The following EHBP1 variants were observed in gnomAD, a reference collection of about 807,000 sequenced individuals.
EHBP1 encodes the protein EH domain-binding protein 1.
Under a neutral mutation model 144.0 loss-of-function variants are expected in EHBP1, and 55 were observed. The ratio of observed to expected loss-of-function variants is 0.38; its 90% CI spans 0.31 to 0.48. The LOEUF is 0.48. Among genes scored for constraint, EHBP1 ranks in the 20% least tolerant of loss-of-function variants. EHBP1 has a pLI of 0.98. For synonymous variants in EHBP1, 469 were observed against 472.7 expected (o/e 0.99, Z 0.10); for missense variants, 1,200 against 1,364.2 (o/e 0.88, Z 1.90).
intron 8 of EHBP1, among the ~76,000 whole-genome samples, chr2:62,862,990 A>G (rs1469016635): frequency 6.6e-6 from 1 of 152,164 alleles, no homozygotes; most frequent in Non-Finnish European, 1.5e-5. Context: ...TTATTTTAAA[A>G]GTACCACTGA....
chr2:62,674,913 G>A (rs1011794732), intron 1 of EHBP1, among the ~76,000 whole-genome samples: 4 of 152,190 alleles, frequency 2.6e-5, no homozygotes, highest in African/African-American at 9.7e-5. Context: ...TGCCAGGTGT[G>A]AGCCACCATA....
At chr2:62,749,584 T>G (rs1201958823) in intron 3 of EHBP1, among the ~76,000 whole-genome samples, 1 of 152,248 alleles carries the variant, frequency 6.6e-6, no homozygotes, top group Non-Finnish European at 1.5e-5. Context: ...ATGGTTGAAC[T>G]AGTTTACAGT....
chr2:62,711,211 C>G (rs2035116840), intron 2 of EHBP1, among the ~76,000 whole-genome samples: 1 of 152,114 alleles, frequency 6.6e-6, no homozygotes, highest in Non-Finnish European at 1.5e-5. Context: ...TTTACACTTG[C>G]ATATAGTAAA....
chr2:62,699,830 G>C (rs1183402506), intron 1 of EHBP1, among the ~76,000 whole-genome samples: 1 of 152,224 alleles, frequency 6.6e-6, no homozygotes, highest in African/African-American at 2.4e-5. Context: ...ATCACCAGTG[G>C]ATAGAATCTG....
At chr2:62,762,825 T>C (rs534344683) in intron 3 of EHBP1, among the ~76,000 whole-genome samples, 1 of 151,016 alleles carries the variant, frequency 6.6e-6, no homozygotes, top group South Asian at 2.2e-4. Context: ...CATTAGCCAA[T>C]ATAAGCCTGT....
chr2:62,774,147 G>T (rs2041891376), intron 5 of EHBP1, among the ~76,000 whole-genome samples: 1 of 152,004 alleles, frequency 6.6e-6, no homozygotes, highest in African/African-American at 2.4e-5. Flanking sequence ...AAGGCGGGTG[G>T]ATCACTTGAG....
At position 62,951,465 on chromosome 2, in the gene EHBP1, T is replaced by C. The variant is rs138234405; in HGVS notation, c.2316+2303T>C. ...TAGATAATCAATAAACATCTAGTGA[T>C]TGACAATTTCAAGAACTTGATGACC... On this transcript the variant is annotated intron_variant, in intron 13 of 22. Coordinates refer to ENST00000431489, the MANE Select transcript of EHBP1 (RefSeq NM_001142616.3). Among the ~76,000 whole-genome samples, 669 of 150,776 alleles carry C rather than the reference T, an allele frequency of 4.4e-3. 3 individuals are homozygous for C. The highest frequency in any genetic ancestry group is 8.0e-3 in the Admixed American group (121 of 15,092).
intron 3 of EHBP1, among the ~76,000 whole-genome samples, chr2:62,757,488 C>G (rs1012852984): frequency 7.4e-6 from 1 of 135,540 alleles, no homozygotes; most frequent in African/African-American, 2.9e-5. Flanking sequence ...GGCTGGAGTG[C>G]AGTGGGATGA....
At chr2:62,997,753 T>G (rs1243974213) in intron 19 of EHBP1, among the ~76,000 whole-genome samples, 1 of 152,102 alleles carries the variant, frequency 6.6e-6, no homozygotes, top group Non-Finnish European at 1.5e-5. Context: ...ATGGGACATT[T>G]GAAAATGCAT....
chr2:62,845,578 A>G (rs1424728299), intron 7 of EHBP1, among the ~76,000 whole-genome samples: 1 of 152,098 alleles, frequency 6.6e-6, no homozygotes, highest in Non-Finnish European at 1.5e-5. Flanking sequence ...CTTAAAATAA[A>G]TATGGGACTC....
intron 10 of EHBP1, among the ~76,000 whole-genome samples, chr2:62,917,962 TC>T (rs1441602827): frequency 1.3e-5 from 2 of 152,046 alleles, no homozygotes; most frequent in Admixed American, 6.6e-5. Flanking sequence ...AGTGGCATGA[TC>T]TCAGCTCACT....
chr2:62,756,037 G>A (rs2040247333), intron 3 of EHBP1, among the ~76,000 whole-genome samples: 1 of 151,628 alleles, frequency 6.6e-6, no homozygotes, highest in Admixed American at 6.6e-5. Flanking sequence ...ACTTTGGAAG[G>A]CTGAGGCAGA....
At chr2:63,035,225 G>C (rs889500611) in intron 19 of EHBP1, among the ~76,000 whole-genome samples, 12 of 152,008 alleles carry the variant, frequency 7.9e-5, no homozygotes, top group Non-Finnish European at 1.6e-4. Context: ...ACGTATAGAT[G>C]TCCATCATTG....
intron 19 of EHBP1, among the ~76,000 whole-genome samples, chr2:63,024,736 C>T (rs1319081852): frequency 6.6e-6 from 1 of 151,960 alleles, no homozygotes; most frequent in Non-Finnish European, 1.5e-5. Context: ...ACTGGTTGGG[C>T]ATGGTGGTTC....
At chr2:63,039,680 G>A (rs1028141099) in intron 21 of EHBP1, among the ~76,000 whole-genome samples, 1 of 152,054 alleles carries the variant, frequency 6.6e-6, no homozygotes, top group Admixed American at 6.6e-5. Context: ...TTCAGAAACT[G>A]GAAATTTAAG....
chr2:62,823,712 C>CT (rs2046150857), intron 5 of EHBP1, among the ~76,000 whole-genome samples: 1 of 152,044 alleles, frequency 6.6e-6, no homozygotes, highest in Non-Finnish European at 1.5e-5. Context: ...AATGTATTTT[C>CT]TGAGATAGCT....
intron 7 of EHBP1, among the ~76,000 whole-genome samples, chr2:62,841,240 T>A (rs1353065573): frequency 6.7e-5 from 10 of 148,838 alleles, no homozygotes; most frequent in Non-Finnish European, 1.0e-4. Context: ...TATCGCAAGA[T>A]CAAAAAACCA....
chr2:62,814,275 G>T (rs1258825021), intron 5 of EHBP1, among the ~76,000 whole-genome samples: 1 of 152,232 alleles, frequency 6.6e-6, no homozygotes, highest in Non-Finnish European at 1.5e-5. Flanking sequence ...AGCAAGTTTG[G>T]TCCCTTATTG....
At chr2:62,889,799 G>GT (rs914010461) in intron 10 of EHBP1, among the ~76,000 whole-genome samples, 13 of 151,374 alleles carry the variant, frequency 8.6e-5, no homozygotes, top group South Asian at 2.1e-4. Flanking sequence ...TATTTTGTCT[G>GT]TTTTTTTTAT....
Sources: allele counts gnomAD v4.1 joint callset (sites outside exome capture counted in the v4.1 genomes callset), GRCh38; gene constraint gnomAD v4.1.1; transcripts MANE v1.5; gene names NCBI Gene and HGNC (gene_info 2026-07-23, HGNC 2026-07-21).